The following TXK variants were observed in gnomAD, a reference collection of about 807,000 sequenced individuals.
TXK encodes the protein TXK tyrosine kinase, also known as tyrosine-protein kinase TXK.
TXK carries 60 observed loss-of-function variants against 81.0 expected under a neutral mutation model. The observed-to-expected ratio is 0.74, with a 90% confidence interval of 0.60 to 0.92. TXK has a LOEUF of 0.92. Among genes scored for constraint, TXK ranks in the 40% least tolerant of loss-of-function variants. The pLI, the probability that TXK is intolerant of heterozygous loss-of-function variation, is 0.00. For synonymous variants in TXK, 203 were observed against 210.7 expected, an observed-to-expected ratio of 0.96 and a Z score of 0.32; for missense variants, 581 against 638.3, an observed-to-expected ratio of 0.91 and a Z score of 0.97.
Position 48,086,584 on chromosome 4 carries a change from C to T in TXK, c.838G>A (p.Gly280Ser), listed in dbSNP as rs746179718. 1.9e-5 allele frequency: 31 copies of T among 1,613,956 alleles called. No individual in the cohort carries two copies. Among genetic ancestry groups the T allele is most frequent in the Non-Finnish European group, 2.5e-5 (29 of 1,179,974 alleles). ...ELAFIKEIGS[G>S]QFGVVHLGEW... ...CCTAAATGGACCACTCCAAACTGACCGCTTCCAATCTCCTTTATAAAAGCC... is the reference window on the plus strand; with the variant it reads ...CCTAAATGGACCACTCCAAACTGACTGCTTCCAATCTCCTTTATAAAAGCC... Residue 280 changes from glycine (G) to serine (S), a missense_variant, in exon 10 of 15, where the codon GGT becomes AGT. Coordinates refer to ENST00000264316, the MANE Select transcript of TXK (RefSeq NM_003328.3).
chr4:48,081,485 C>T (rs1560342898), intron 10 of TXK, among the ~76,000 whole-genome samples: 1 of 152,124 alleles, frequency 6.6e-6, no homozygotes, highest in Non-Finnish European at 1.5e-5. Flanking sequence ...CTTCTTAATA[C>T]ACATTATTTC....
intron 1 of TXK, 174 bp from the exon 2 acceptor site, chr4:48,114,576 C>A: frequency 1.6e-6 from 1 of 643,986 alleles, no homozygotes; most frequent in Non-Finnish European, 2.7e-6. Flanking sequence ...AAGTTTCTGG[C>A]ACCTTGGCCA....
intron 5 of TXK, among the ~76,000 whole-genome samples, chr4:48,107,899 TAAAAA>T (rs57715867): frequency 7.8e-6 from 1 of 128,798 alleles, no homozygotes; most frequent in African/African-American, 3.5e-5. Context: ...TGTCTCTACT[TAAAAA>T]AAAAAAAAAA....
chr4:48,093,059 GGAGA>G (rs1413417108), intron 8 of TXK, among the ~76,000 whole-genome samples: 1 of 152,110 alleles, frequency 6.6e-6, no homozygotes, highest in Non-Finnish European at 1.5e-5. Context: ...TTTGGAGGAA[GGAGA>G]AAGAGGAATA....
At chr4:48,090,549 C>T (rs1489783151) in intron 8 of TXK, among the ~76,000 whole-genome samples, 3 of 152,150 alleles carry the variant, frequency 2.0e-5, no homozygotes, top group Non-Finnish European at 4.4e-5. Context: ...ATATACCTTA[C>T]GTTTCAACTT....
At chr4:48,075,118 T>C (rs1479986626) in intron 12 of TXK, among the ~76,000 whole-genome samples, 3 of 152,080 alleles carry the variant, frequency 2.0e-5, no homozygotes, top group African/African-American at 7.2e-5. Flanking sequence ...AGGGGGGTAC[T>C]AGACATTAGT....
At chr4:48,083,525 T>G (rs1303235093) in intron 10 of TXK, among the ~76,000 whole-genome samples, 1 of 152,238 alleles carries the variant, frequency 6.6e-6, no homozygotes, top group Non-Finnish European at 1.5e-5. Context: ...CTTGGCCAAG[T>G]AAACTCTTAA....
At position 48,086,634 on chromosome 4, in the gene TXK, T is replaced by C; in HGVS notation, c.788A>G (p.Lys263Arg). The C allele has an allele frequency of 6.2e-7, 1 of 1,611,524 alleles. No homozygotes were observed. The highest frequency in any genetic ancestry group is 8.5e-7 in the Non-Finnish European group (1 of 1,178,980). ...LPATAGFSYE[K>R]WEIDPSELAF... ...CAACTCAGATGGATCTATCTCCCACTTTTCTGAAAAAGTAAAACATCCATG... is the reference window on the plus strand; with the variant it reads ...CAACTCAGATGGATCTATCTCCCACCTTTCTGAAAAAGTAAAACATCCATG... Residue 263 changes from lysine (K) to arginine (R), a missense_variant, in exon 10 of 15, where the codon AAG becomes AGG. Coordinates refer to ENST00000264316, the MANE Select transcript of TXK (RefSeq NM_003328.3).
At chr4:48,125,897 T>G (rs1321297463) in intron 1 of TXK, among the ~76,000 whole-genome samples, 1 of 152,208 alleles carries the variant, frequency 6.6e-6, no homozygotes, top group Non-Finnish European at 1.5e-5. Flanking sequence ...AGGTCTGACT[T>G]TCATTGATTA....
intron 1 of TXK, among the ~76,000 whole-genome samples, chr4:48,133,054 T>C (rs953226372): frequency 2.6e-5 from 4 of 152,126 alleles, no homozygotes; most frequent in Non-Finnish European, 5.9e-5. Context: ...TAGATAAGAA[T>C]AACAATTTTC....
intron 9 of TXK, among the ~76,000 whole-genome samples, chr4:48,087,981 A>G (rs1717600219): frequency 6.6e-6 from 1 of 152,182 alleles, no homozygotes; most frequent in South Asian, 2.1e-4. Flanking sequence ...GAAGACATAT[A>G]CCCTAACTTT....
intron 1 of TXK, among the ~76,000 whole-genome samples, chr4:48,117,667 T>C (rs1192235199): frequency 1.3e-5 from 2 of 152,194 alleles, no homozygotes; most frequent in African/African-American, 4.8e-5. Context: ...TTAGATGAAA[T>C]GGTGAGAGAG....
chr4:48,133,162 G>A (rs574439954), intron 1 of TXK, among the ~76,000 whole-genome samples: 2 of 151,822 alleles, frequency 1.3e-5, no homozygotes, highest in Non-Finnish European at 2.9e-5. Context: ...CCTTTATAAA[G>A]AAACAAACAC....
In TXK at chr4:48,095,224, T is replaced by C. The variant is rs769465346; in HGVS notation, c.502-2A>G. ...GACAATAAATGCACCTTCTTTAGAC[T>C]GCAAAAAAAATCATTTATTGAATAA... On this transcript the variant is annotated splice_acceptor_variant, in intron 6 of 14. Coordinates refer to ENST00000264316, the MANE Select transcript of TXK (RefSeq NM_003328.3). LOFTEE classifies it high-confidence loss of function. 6.8e-6 allele frequency: 11 copies of C among 1,607,308 alleles called. No individual in the cohort carries two copies. Among genetic ancestry groups the C allele is most frequent in the Non-Finnish European group, 8.5e-6 (10 of 1,176,714 alleles).
At position 48,115,033 on chromosome 4, in the gene TXK, CTTT is replaced by C. The variant is rs58957431; in HGVS notation, c.17-634_17-632del. Among the ~76,000 whole-genome samples, 34 of 148,542 alleles carry C rather than the reference CTTT, an allele frequency of 2.3e-4. No individual in the cohort carries two copies. The South Asian group carries it at 7.0e-3, about 31-fold the overall frequency. On this transcript the variant is annotated intron_variant, in intron 1 of 14. Coordinates refer to ENST00000264316, the MANE Select transcript of TXK (RefSeq NM_003328.3). ...TCTAGGTATTGGTATTTCTTTCTTT[CTTT>C]TTTTTTTTAATTTTACTTTAAGTTC... is the stretch of plus-strand genomic sequence containing the variant.
chr4:48,133,887 T>C lies in TXK; in HGVS notation c.16+268A>G, dbSNP rs16861018. The stretch of plus-strand genomic sequence containing the variant: ...TCTAAAAACAAGTACTTCATACTGA[T>C]TGCATTTCTACACACACATATGCAG... On this transcript the variant is annotated intron_variant, in intron 1 of 14. Transcript: ENST00000264316. Among the ~76,000 whole-genome samples, 543 of 152,246 alleles carry C rather than the reference T, an allele frequency of 3.6e-3. 2 individuals are homozygous for C. Among genetic ancestry groups the C allele is most frequent in the Middle Eastern group, 0.014 (4 of 294 alleles).
chr4:48,078,421 A>G (rs180820625), intron 11 of TXK, among the ~76,000 whole-genome samples: 4 of 152,320 alleles, frequency 2.6e-5, no homozygotes, highest in African/African-American at 9.6e-5. Flanking sequence ...GTGTGATGGA[A>G]GCACAGAATT....
chr4:48,130,537 C>A (rs1473356044), intron 1 of TXK, among the ~76,000 whole-genome samples: 1 of 152,168 alleles, frequency 6.6e-6, no homozygotes, highest in Non-Finnish European at 1.5e-5. Context: ...GGAGCCGCCA[C>A]CTCTGTAACC....
At chr4:48,087,560 C>G (rs1394304292) in intron 9 of TXK, among the ~76,000 whole-genome samples, 1 of 152,044 alleles carries the variant, frequency 6.6e-6, no homozygotes, top group Non-Finnish European at 1.5e-5. Flanking sequence ...CTCAGCCTCC[C>G]AAGTAGCTGG....
Sources: gnomAD v4.1 joint callset for allele counts (sites outside exome capture counted in the v4.1 genomes callset) on GRCh38, gnomAD v4.1.1 for gene constraint, MANE v1.5 for transcripts, NCBI Gene and HGNC (gene_info 2026-07-23, HGNC 2026-07-21) for gene names.